Variants in IFNGR2 observed in about 807,000 individuals in gnomAD.
IFNGR2 encodes interferon gamma receptor 2, also known as IFN-gamma receptor 2.
A neutral mutation model predicts 41.1 loss-of-function variants in IFNGR2; 15 were observed. That is an observed-to-expected ratio of 0.37 (90% CI 0.24 to 0.56). The LOEUF (loss-of-function observed/expected upper bound fraction) is 0.56. Ranked by LOEUF, IFNGR2 falls within the 20% of genes least tolerant of loss-of-function variation. The pLI is 0.81. For missense variants in IFNGR2, 362 were observed against 415.7 expected (o/e 0.87, Z 1.12); for synonymous variants, 161 against 171.6 (o/e 0.94, Z 0.48).
At chr21:33,405,181 A>G (rs762046992) in intron 1 of IFNGR2, among the ~76,000 whole-genome samples, 1 of 151,828 alleles carries the variant, frequency 6.6e-6, no homozygotes, top group Non-Finnish European at 1.5e-5. Flanking sequence ...TTGTGTATGT[A>G]TCTGCTTTTG....
intron 6 of IFNGR2, among the ~76,000 whole-genome samples, chr21:33,433,292 G>T (rs1222019428): frequency 6.6e-6 from 1 of 152,212 alleles, no homozygotes; most frequent in Non-Finnish European, 1.5e-5. Context: ...GTTACAAATG[G>T]TATGGGGTTG....
rs549525499 is a variant in IFNGR2, at chr21:33,411,217, G to A, written c.74-3671G>A. Among the ~76,000 whole-genome samples the A allele has an allele frequency of 2.6e-5, 4 of 152,306 alleles. No homozygotes were observed. In the South Asian group the frequency reaches 6.2e-4, roughly 24 times the overall value. On this transcript the variant is annotated intron_variant, in intron 1 of 6. Coordinates refer to ENST00000290219, the MANE Select transcript of IFNGR2 (RefSeq NM_005534.4). ...GCCATCTCTTACACCTCAGTGAAAC[G>A]GAAAATGAAGGAAATGGAAGGCTGG...
intron 1 of IFNGR2, among the ~76,000 whole-genome samples, chr21:33,404,524 G>A (rs2083663664): frequency 6.6e-6 from 1 of 152,074 alleles, no homozygotes; most frequent in South Asian, 2.1e-4. Context: ...TGCAGCCTCC[G>A]CCTCCCGTGC....
chr21:33,437,198 T>C lies in IFNGR2; in HGVS notation c.*236T>C. 2.0e-6 allele frequency: 1 copy of C among 511,564 alleles called. No individual in the cohort carries two copies. The highest frequency in any genetic ancestry group is 3.5e-6 in the Non-Finnish European group (1 of 285,552). 31.7% of individuals were successfully genotyped at this position (511,564 alleles called of 1,614,324 possible). ...ATTTTACGGAGATATCCCAGGAAAA[T>C]TAAGGCTTCTCTTAAACACTAAAAA... On this transcript the variant is annotated 3_prime_UTR_variant, in exon 7 of 7. Coordinates refer to ENST00000290219, the MANE Select transcript of IFNGR2 (RefSeq NM_005534.4).
intron 1 of IFNGR2, among the ~76,000 whole-genome samples, chr21:33,403,867 G>C (rs1369580256): frequency 6.6e-6 from 1 of 152,142 alleles, no homozygotes; most frequent in African/African-American, 2.4e-5. Context: ...AGCGGGGCTG[G>C]GATGGGCGGC....
chr21:33,431,126 A>G (rs139036496), intron 4 of IFNGR2, among the ~76,000 whole-genome samples: 2 of 152,334 alleles, frequency 1.3e-5, no homozygotes, highest in East Asian at 3.9e-4. Context: ...TCCTGATGAC[A>G]TAAATCCTTA....
chr21:33,425,566 G>T (rs1199018459), intron 3 of IFNGR2, among the ~76,000 whole-genome samples: 1 of 152,208 alleles, frequency 6.6e-6, no homozygotes, highest in African/African-American at 2.4e-5. Flanking sequence ...TGCACACTCT[G>T]CTCACTTAGC....
intron 1 of IFNGR2, among the ~76,000 whole-genome samples, chr21:33,412,579 G>A (rs538360725): frequency 5.9e-5 from 9 of 152,084 alleles, no homozygotes; most frequent in Non-Finnish European, 1.0e-4. Flanking sequence ...TTTTTGAGAC[G>A]GAGTGCCGCT....
chr21:33,410,013 G>C (rs1256106487), intron 1 of IFNGR2, among the ~76,000 whole-genome samples: 2 of 151,826 alleles, frequency 1.3e-5, no homozygotes, highest in African/African-American at 4.8e-5. Context: ...TTGGTAGCAG[G>C]GTCCATTTTA....
intron 2 of IFNGR2, among the ~76,000 whole-genome samples, chr21:33,415,973 T>C (rs946079929): frequency 2.6e-5 from 4 of 152,216 alleles, no homozygotes; most frequent in Admixed American, 2.6e-4. Context: ...GTGATTCTCA[T>C]GCCTCCTGAG....
chr21:33,414,207 C>T (rs1044810504), intron 1 of IFNGR2, among the ~76,000 whole-genome samples: 13 of 152,116 alleles, frequency 8.5e-5, no homozygotes, highest in Admixed American at 6.6e-4. Context: ...TCCTGGGGGC[C>T]TCAGGACCTG....
intron 3 of IFNGR2, 21 bp downstream of exon 3, chr21:33,421,706 A>G (rs766469005): frequency 6.3e-7 from 1 of 1,577,914 alleles, no homozygotes; most frequent in African/African-American, 1.3e-5. Context: ...TTGAGTATAG[A>G]ACTTCCTTTA....
At chr21:33,432,409 C>A in intron 5 of IFNGR2, 73 bp downstream of exon 5, 1 of 1,414,026 alleles carries the variant, frequency 7.1e-7, no homozygotes, top group Non-Finnish European at 1.0e-6. Flanking sequence ...TCGGGGAATG[C>A]TTATGAGGTC....
intron 1 of IFNGR2, chr21:33,410,752 G>A: frequency 2.1e-6 from 2 of 931,874 alleles, no homozygotes; most frequent in Non-Finnish European, 3.4e-6. Context: ...ACAGGCGTGA[G>A]CCACCACGCC....
chr21:33,426,724 A>C (rs1051428325), intron 3 of IFNGR2, among the ~76,000 whole-genome samples, 160 bp from the exon 4 acceptor site: 1 of 151,506 alleles, frequency 6.6e-6, no homozygotes, highest in African/African-American at 2.4e-5. Context: ...TCTCGAAAAA[A>C]TAATAATAAA....
intron 4 of IFNGR2, 109 bp downstream of exon 4, chr21:33,427,141 C>T (rs546048632): frequency 2.5e-5 from 24 of 945,966 alleles, no homozygotes; most frequent in South Asian, 1.3e-4. Flanking sequence ...TCCATGTCCC[C>T]GTGTCCCCAT....
upstream of IFNGR2, chr21:33,403,137 G>T (rs996465813): frequency 6.6e-6 from 1 of 151,718 alleles, no homozygotes; most frequent in African/African-American, 2.4e-5. Flanking sequence ...AAGCCCGGGG[G>T]TCTGGGCCGG....
rs79649699 is a variant in IFNGR2 at position 33,405,303 on chromosome 21, C to T, written c.73+1687C>T. Among the ~76,000 whole-genome samples the T allele has an allele frequency of 5.9e-3, 901 of 152,160 alleles. 5 individuals are homozygous for T. The highest frequency in any genetic ancestry group is 0.021 in the African/African-American group (856 of 41,524). ...TGTGTTGTGGGTTTGTTTTTTCTAC[C>T]GGCATTCCTTGCAAAGGCCCATAAG... On this transcript the variant is annotated intron_variant, in intron 1 of 6. Transcript: ENST00000290219.
chr21:33,411,466 C>T (rs191402320), intron 1 of IFNGR2: 12 of 470,916 alleles, frequency 2.5e-5, no homozygotes, highest in East Asian at 7.0e-5. Context: ...GGTGAACAGG[C>T]GTGTGGAGGG....
Sources: gnomAD v4.1 joint callset for allele counts (sites outside exome capture counted in the v4.1 genomes callset) on GRCh38, gnomAD v4.1.1 for gene constraint, MANE v1.5 for transcripts, NCBI Gene and HGNC (gene_info 2026-07-23, HGNC 2026-07-21) for gene names.